Variants in MLIP observed in about 807,000 individuals in gnomAD.
The protein encoded by MLIP is muscular LMNA interacting protein, also known as muscular LMNA-interacting protein.
MLIP carries 79 observed loss-of-function variants against 84.8 expected under a neutral mutation model. The observed-to-expected ratio is 0.93, with a 90% CI of 0.78 to 1.12. The LOEUF is 1.12. Ranked by LOEUF, MLIP falls within the 50% of genes most tolerant of loss-of-function variation. The pLI is 0.00. For missense variants in MLIP, 1,257 were observed against 1,160.6 expected, an observed-to-expected ratio of 1.08 and a Z score of -1.21; for synonymous variants, 504 against 463.0, an observed-to-expected ratio of 1.09 and a Z score of -1.14.
At position 54,227,101 on chromosome 6, in the gene MLIP, G is replaced by A. The variant is rs117527994; in HGVS notation, c.2719-3613G>A. Reference sequence around the variant, plus strand: ...AGTGAGACAGTTCTCATGAGATCAGGTTGTTTAATATGTGTAGCAATTCCC... The same window carrying A: ...AGTGAGACAGTTCTCATGAGATCAGATTGTTTAATATGTGTAGCAATTCCC... On this transcript the variant is annotated intron_variant, in intron 11 of 13. Coordinates refer to ENST00000502396, the MANE Select transcript of MLIP (RefSeq NM_001281747.2). Among the ~76,000 whole-genome samples, 178 of 152,238 alleles carry A rather than the reference G, an allele frequency of 1.2e-3. 3 individuals carry two copies. The East Asian group carries it at 0.029, about 25-fold the overall frequency.
chr6:54,019,092 G>A lies in MLIP; in HGVS notation c.63+1G>A. Reference sequence around the variant, plus strand: ...CAAGAATTTAGAGGAGAAACTGACGGTAAGACATGAGATTTAGCACACACA... The same window carrying A: ...CAAGAATTTAGAGGAGAAACTGACGATAAGACATGAGATTTAGCACACACA... On this transcript the variant is annotated splice_donor_variant, in intron 1 of 12. Transcript: ENST00000274897. LOFTEE classifies it high-confidence loss of function. 1 of 1,612,210 alleles carries A rather than the reference G, an allele frequency of 6.2e-7. No individual in the cohort carries two copies. Among genetic ancestry groups the A allele is most frequent in the Non-Finnish European group, 8.5e-7 (1 of 1,178,930 alleles).
rs764511797 is a variant in MLIP, at chr6:54,202,248, G to A, written c.2718+15G>A. On this transcript the variant is annotated intron_variant, in intron 11 of 13. Transcript: ENST00000502396. ...TTTCTGAACAGGTGAGCACATACAA[G>A]AGAAAATGTTTGCTATTTTGATAAA... is the stretch of plus-strand genomic sequence containing the variant. 2 of 1,397,700 alleles carry A rather than the reference G, an allele frequency of 1.4e-6. No homozygotes were observed. Among genetic ancestry groups the A allele is most frequent in the Non-Finnish European group, 1.9e-6 (2 of 1,071,574 alleles). 86.6% of individuals were successfully genotyped at this position (1,397,700 alleles called of 1,614,324 possible). A position where few individuals can be genotyped will look rare whatever the true frequency, so the allele number is the denominator to read the frequency against.
Position 54,149,126 on chromosome 6 carries a change from A to G in MLIP, c.2288A>G (p.Lys763Arg). 1 of 1,611,926 alleles carries G rather than the reference A, an allele frequency of 6.2e-7. No individual in the cohort carries two copies. The highest frequency in any genetic ancestry group is 8.5e-7 in the Non-Finnish European group (1 of 1,178,554). Residue 763 changes from lysine to arginine, a missense_variant and splice_region_variant, in exon 5 of 14, where the codon AAG becomes AGG. Physicochemically the swap from Lys to Arg is conservative, Grantham distance 26 (BLOSUM62 2). Transcript: ENST00000502396. ...IPTNTLLLEQ[K>R]ALDEPAKTES... ...ACAAACACATTGCTTTTGGAACAGA[A>G]GGTCAGTGTTGGCTCAAAAACAGTG...
At chr6:54,244,679 T>C (rs1209349476) in intron 12 of MLIP, among the ~76,000 whole-genome samples, 1 of 152,196 alleles carries the variant, frequency 6.6e-6, no homozygotes, top group Non-Finnish European at 1.5e-5. Context: ...CATGCTTCTG[T>C]TTATCTAATT....
intron 10 of MLIP, among the ~76,000 whole-genome samples, chr6:54,194,351 A>C (rs1378215326): frequency 6.6e-6 from 1 of 152,142 alleles, no homozygotes; most frequent in Non-Finnish European, 1.5e-5. Flanking sequence ...TAACGTACTT[A>C]AGTGCCACAG....
intron 4 of MLIP, among the ~76,000 whole-genome samples, chr6:54,138,539 G>T (rs1310946491): frequency 1.3e-5 from 2 of 152,020 alleles, no homozygotes; most frequent in African/African-American, 4.8e-5. Context: ...TTATATCTAT[G>T]ACTCCAAGGG....
intron 12 of MLIP, among the ~76,000 whole-genome samples, chr6:54,240,562 T>G (rs967162431): frequency 6.6e-6 from 1 of 152,240 alleles, no homozygotes; most frequent in Non-Finnish European, 1.5e-5. Context: ...TTTCACTCTC[T>G]TCCTGCGGGT....
intron 11 of MLIP, among the ~76,000 whole-genome samples, chr6:54,212,289 C>T (rs1779511102): frequency 6.6e-6 from 1 of 152,128 alleles, no homozygotes; most frequent in African/African-American, 2.4e-5. Context: ...ATTGTCTTCA[C>T]CCGCACAATG....
intron 10 of MLIP, among the ~76,000 whole-genome samples, chr6:54,196,051 C>T (rs1778271531): frequency 6.6e-6 from 1 of 152,128 alleles, no homozygotes; most frequent in South Asian, 2.1e-4. Flanking sequence ...TCCTTCTTCT[C>T]ATCCTCTATT....
chr6:54,252,586 T>C (rs910900435), intron 12 of MLIP, among the ~76,000 whole-genome samples: 1 of 148,948 alleles, frequency 6.7e-6, no homozygotes, highest in East Asian at 2.0e-4. Flanking sequence ...TATATAATCA[T>C]GATTATGTAC....
intron 1 of MLIP, among the ~76,000 whole-genome samples, chr6:54,036,907 G>A (rs1246039349): frequency 3.3e-5 from 5 of 152,054 alleles, no homozygotes; most frequent in African/African-American, 1.2e-4. Flanking sequence ...CCAAGTGGAA[G>A]TTAATACTTC....
rs180777462 is a variant in MLIP at position 54,263,858 on chromosome 6, C to G, written c.2977-2092C>G. ...ATTGGCAATATAATAAAATACTGAGCCTTAACTGCCAGTGTGCTAGTTTGA... is the reference window on the plus strand; with the variant it reads ...ATTGGCAATATAATAAAATACTGAGGCTTAACTGCCAGTGTGCTAGTTTGA... On this transcript the variant is annotated intron_variant, in intron 13 of 13. Coordinates refer to ENST00000502396, the MANE Select transcript of MLIP (RefSeq NM_001281747.2). 9.3e-4 allele frequency among the ~76,000 whole-genome samples: 141 copies of G among 152,080 alleles called. 1 individual carries two copies. Among genetic ancestry groups the G allele is most frequent in the African/African-American group, 3.3e-3 (135 of 41,498 alleles).
intron 5 of MLIP, among the ~76,000 whole-genome samples, chr6:54,150,609 A>G (rs1319562229): frequency 1.3e-5 from 2 of 152,214 alleles, no homozygotes; most frequent in African/African-American, 4.8e-5. Flanking sequence ...TCTTTCCCTC[A>G]TACTTGTCTC....
intron 9 of MLIP, among the ~76,000 whole-genome samples, chr6:54,187,362 T>A (rs1413631377): frequency 1.3e-5 from 2 of 152,124 alleles, no homozygotes; most frequent in Non-Finnish European, 2.9e-5. Flanking sequence ...GGGAGGGACA[T>A]GACAGAGAAT....
intron 11 of MLIP, among the ~76,000 whole-genome samples, chr6:54,211,640 G>A (rs1779459322): frequency 6.6e-6 from 1 of 152,214 alleles, no homozygotes; most frequent in African/African-American, 2.4e-5. Context: ...TGAGGGGATG[G>A]CACCAGATCA....
chr6:54,185,681 T>G (rs1777323533), intron 9 of MLIP, among the ~76,000 whole-genome samples: 1 of 152,154 alleles, frequency 6.6e-6, no homozygotes, highest in Non-Finnish European at 1.5e-5. Flanking sequence ...ATTTAGCCTT[T>G]TTTTTCAGTT....
rs1160624570 is a variant in MLIP at position 54,169,540 on chromosome 6, C to T, written c.2512C>T (p.Leu838Phe). Residue 838 changes from leucine (L) to phenylalanine (F), a missense_variant, in exon 9 of 14, where the codon CTT becomes TTT. Coordinates refer to ENST00000502396, the MANE Select transcript of MLIP (RefSeq NM_001281747.2). ...GSDTVKTPTT[L>F]PRAAGRETKY... ...TATTTTCATACAGACTCCTACAACT[C>T]TTCCAAGAGCAGCTGGTCGAGAAAC... 1 of 1,591,740 alleles carries T rather than the reference C, an allele frequency of 6.3e-7. No homozygotes were observed. The highest frequency in any genetic ancestry group is 1.4e-5 in the African/African-American group (1 of 73,708).
At chr6:54,046,657 C>T (rs948632521) in intron 1 of MLIP, 9 of 152,150 alleles carry the variant, frequency 5.9e-5, no homozygotes, top group Admixed American at 5.9e-4. Context: ...TCAGAATTAA[C>T]ATTCTTTTGT....
chr6:54,076,318 T>G (rs1387738216), intron 1 of MLIP, among the ~76,000 whole-genome samples: 3 of 152,184 alleles, frequency 2.0e-5, no homozygotes, highest in East Asian at 3.9e-4. Flanking sequence ...GTCATGCTGA[T>G]TGTGCAAACA....
Sources: gnomAD v4.1 joint callset for allele counts (sites outside exome capture counted in the v4.1 genomes callset) on GRCh38, gnomAD v4.1.1 for gene constraint, MANE v1.5 for transcripts, NCBI Gene and HGNC (gene_info 2026-07-23, HGNC 2026-07-21) for gene names.